IL1RL2: variants seen among roughly 807,000 people sequenced by gnomAD.
IL1RL2 encodes the protein interleukin 1 receptor like 2.
Under a neutral mutation model 66.8 loss-of-function variants are expected in IL1RL2, and 68 were observed. That is an observed-to-expected ratio of 1.02 (90% confidence interval 0.84 to 1.25). The LOEUF (loss-of-function observed/expected upper bound fraction) is 1.25, where lower values mean the gene tolerates loss of function less well. Ranked by LOEUF, IL1RL2 falls within the 50% of genes most tolerant of loss-of-function variation. The pLI is 0.00. For synonymous variants in IL1RL2, 305 were observed against 264.6 expected, an observed-to-expected ratio of 1.15 and a Z score of -1.48; for missense variants, 729 against 709.3, an observed-to-expected ratio of 1.03 and a Z score of -0.32.
chr2:102,242,352 A>T (rs930023827), downstream of IL1RL2, among the ~76,000 whole-genome samples: 2 of 152,214 alleles, frequency 1.3e-5, no homozygotes, highest in Non-Finnish European at 2.9e-5. Context: ...TTCTAGAGAA[A>T]CAGAATCAAT....
chr2:102,230,615 G>T (rs1455699883), intron 9 of IL1RL2, among the ~76,000 whole-genome samples: 1 of 152,226 alleles, frequency 6.6e-6, no homozygotes, highest in Non-Finnish European at 1.5e-5. Context: ...TGAGGGCAGG[G>T]CAGGGAGCCA....
rs142428542 is a variant in IL1RL2, at chr2:102,207,168, G to A, written c.650-4932G>A. 2.5e-4 allele frequency among the ~76,000 whole-genome samples: 38 copies of A among 152,250 alleles called. No homozygotes were observed. The Middle Eastern group carries it at 0.014, about 55-fold the overall frequency. On this transcript the variant is annotated intron_variant, in intron 5 of 11. Coordinates refer to ENST00000264257, the MANE Select transcript of IL1RL2 (RefSeq NM_003854.4). ...TGGGCTCCCTTCTGGCCCAGGGCAT[G>A]TGCAGAAGTGCCATCCAAGATTCAA...
chr2:102,193,369 A>G (rs1687398404), intron 4 of IL1RL2, among the ~76,000 whole-genome samples: 1 of 152,164 alleles, frequency 6.6e-6, no homozygotes, highest in Non-Finnish European at 1.5e-5. Flanking sequence ...TGCTTCACAG[A>G]ATTTTGTATC....
intron 8 of IL1RL2, among the ~76,000 whole-genome samples, chr2:102,224,807 T>C (rs1690455193): frequency 6.6e-6 from 1 of 152,200 alleles, no homozygotes; most frequent in Admixed American, 6.5e-5. Context: ...TCATTACACA[T>C]TGTATGCCTG....
chr2:102,215,497 C>T (rs1689531374), intron 6 of IL1RL2, among the ~76,000 whole-genome samples: 1 of 152,176 alleles, frequency 6.6e-6, no homozygotes, highest in African/African-American at 2.4e-5. Flanking sequence ...TCCTGCACAA[C>T]TGGGGAAGCT....
chr2:102,235,113 A>G lies in IL1RL2; in HGVS notation c.1514A>G (p.Lys505Arg), dbSNP rs1674748013. The G allele has an allele frequency of 3.1e-6, 5 of 1,614,198 alleles. No homozygotes were observed. The highest frequency in any genetic ancestry group is 2.2e-5 in the South Asian group (2 of 91,080). The change falls in exon 11 of 12, where the codon AAA becomes AGA. Residue 505 changes from lysine to arginine, a missense_variant. Physicochemically the swap from Lys to Arg is conservative, Grantham distance 26. Coordinates refer to ENST00000264257, the MANE Select transcript of IL1RL2 (RefSeq NM_003854.4). ...TVMPESIQYIKQKHGAIRWHG... is the reference protein window; with the variant it reads ...TVMPESIQYIRQKHGAIRWHG... ...ATGCCAGAGTCAATTCAGTACATCA[A>G]ACAGAAGCATGGTGCCATCCGGTGG... is the stretch of plus-strand genomic sequence containing the variant.
Position 102,235,152 on chromosome 2 carries a change from C to T in IL1RL2, c.1553C>T (p.Thr518Met), listed in dbSNP as rs373785659. Residue 518 changes from threonine (T) to methionine (M), a missense_variant, in exon 11 of 12, where the codon ACG becomes ATG. Transcript: ENST00000264257. ...HGAIRWHGDF[T>M]EQSQCMKTKF... ...GCCATCCGGTGGCATGGGGACTTCA[C>T]GGAGCAGTCACAGTGTATGAAGACC... The T allele has an allele frequency of 2.7e-5, 44 of 1,614,206 alleles. No homozygotes were observed. The highest frequency in any genetic ancestry group is 1.5e-4 in the African/African-American group (11 of 75,054).
chr2:102,209,417 T>G (rs895934458), intron 5 of IL1RL2, among the ~76,000 whole-genome samples: 1 of 152,160 alleles, frequency 6.6e-6, no homozygotes, highest in Non-Finnish European at 1.5e-5. Context: ...CTCAGCTGAA[T>G]TTTGAAGAAT....
chr2:102,216,181 C>A (rs1689598314), intron 6 of IL1RL2, among the ~76,000 whole-genome samples: 1 of 152,098 alleles, frequency 6.6e-6, no homozygotes, highest in Non-Finnish European at 1.5e-5. Context: ...AGAAATTCAA[C>A]AGATAGATAT....
At chr2:102,187,398 C>T (rs960718083) in intron 1 of IL1RL2, 9 of 1,141,934 alleles carry the variant, frequency 7.9e-6, no homozygotes, top group Non-Finnish European at 9.8e-6. Flanking sequence ...TCTGTTTAGA[C>T]CGCCAGGCTC....
intron 11 of IL1RL2, among the ~76,000 whole-genome samples, chr2:102,237,436 G>A (rs1009768777): frequency 2.0e-5 from 3 of 152,214 alleles, no homozygotes; most frequent in Non-Finnish European, 2.9e-5. Context: ...CAGCCAGCCC[G>A]CAGCCACCCT....
chr2:102,221,095 T>C (rs1690086864), intron 8 of IL1RL2, among the ~76,000 whole-genome samples: 1 of 152,218 alleles, frequency 6.6e-6, no homozygotes, highest in African/African-American at 2.4e-5. Flanking sequence ...GGAATCCTTC[T>C]TGGGTTGCAA....
chr2:102,222,029 A>G (rs988698819), intron 8 of IL1RL2, among the ~76,000 whole-genome samples: 1 of 152,170 alleles, frequency 6.6e-6, no homozygotes, highest in African/African-American at 2.4e-5. Context: ...TCCCCTCCTG[A>G]TAATCATCCC....
chr2:102,236,192 A>G (rs1453539219), intron 11 of IL1RL2, among the ~76,000 whole-genome samples: 1 of 152,226 alleles, frequency 6.6e-6, no homozygotes, highest in Non-Finnish European at 1.5e-5. Flanking sequence ...CCCTGGCCTG[A>G]GGGAATTAGG....
intron 8 of IL1RL2, among the ~76,000 whole-genome samples, chr2:102,222,615 CT>C (rs1403273412): frequency 6.6e-6 from 1 of 152,130 alleles, no homozygotes; most frequent in African/African-American, 2.4e-5. Flanking sequence ...AAAGGTGGGT[CT>C]TTTGTGAGCT....
chr2:102,214,561 G>A (rs1200101810), intron 6 of IL1RL2, among the ~76,000 whole-genome samples: 1 of 152,098 alleles, frequency 6.6e-6, no homozygotes, highest in African/African-American at 2.4e-5. Flanking sequence ...ATGTGTTTTA[G>A]TGAAATTTCA....
chr2:102,227,764 T>C (rs1179526232), intron 9 of IL1RL2, among the ~76,000 whole-genome samples: 1 of 152,172 alleles, frequency 6.6e-6, no homozygotes, highest in African/African-American at 2.4e-5. Context: ...TCACTTTACG[T>C]ATTCTTCCTG....
At chr2:102,235,404 C>T in intron 11 of IL1RL2, 127 bp downstream of exon 11, 2 of 1,472,274 alleles carry the variant, frequency 1.4e-6, no homozygotes, top group Middle Eastern at 2.5e-4. Context: ...CAGTTGCGTA[C>T]TAGTGAGAGG....
intron 5 of IL1RL2, among the ~76,000 whole-genome samples, chr2:102,203,098 T>C (rs746414331): frequency 6.6e-6 from 1 of 152,218 alleles, no homozygotes; most frequent in Non-Finnish European, 1.5e-5. Context: ...ACCTGCTGAA[T>C]TTTATCAAAT....
Sources: gnomAD v4.1 joint callset for allele counts (sites outside exome capture counted in the v4.1 genomes callset) on GRCh38, gnomAD v4.1.1 for gene constraint, MANE v1.5 for transcripts, NCBI Gene and HGNC (gene_info 2026-07-23, HGNC 2026-07-21) for gene names.